ALAD: variants seen among roughly 807,000 people sequenced by gnomAD.
ALAD encodes aminolevulinate dehydratase, also known as delta-aminolevulinic acid dehydratase.
In ALAD, 20 loss-of-function variants were observed where a neutral mutation model predicts 44.4. That is an observed-to-expected ratio of 0.45 (90% confidence interval 0.32 to 0.65). The LOEUF (loss-of-function observed/expected upper bound fraction) is 0.65. ALAD is among the 30% of genes least tolerant of loss of function. ALAD has a pLI of 0.05. For missense variants in ALAD, 323 were observed against 445.7 expected, an observed-to-expected ratio of 0.72 and a Z score of 2.48; for synonymous variants, 156 against 167.9, an observed-to-expected ratio of 0.93 and a Z score of 0.55.
At position 113,387,051 on chromosome 9, in the gene ALAD, C is replaced by T. The variant is rs1266080302; in HGVS notation, c.*1249G>A. ...GCTGTTAAAATACTTTTACAAACTACAAATTTGATTGAGTCACTCTGAAAA... is the reference window on the plus strand; with the variant it reads ...GCTGTTAAAATACTTTTACAAACTATAAATTTGATTGAGTCACTCTGAAAA... On this transcript the variant is annotated 3_prime_UTR_variant, in exon 12 of 12. Coordinates refer to ENST00000409155, the MANE Select transcript of ALAD (RefSeq NM_000031.6). The T allele has an allele frequency of 1.3e-5, 2 of 152,252 alleles. No homozygotes were observed. Among genetic ancestry groups the T allele is most frequent in the Non-Finnish European group, 2.9e-5 (2 of 68,070 alleles). The allele number at this position is 152,252 out of a possible 1,614,324, so 9.4% of individuals were successfully genotyped here. A position where few individuals can be genotyped will look rare whatever the true frequency, so the allele number is the denominator to read the frequency against.
Position 113,399,979 on chromosome 9 carries a change from A to G in ALAD, c.-76+1233T>C, listed in dbSNP as rs1308352063. ...GCCAACCCACATTTCTTGAATATCT[A>G]CTATGGGCCTGCTGAAGTGCTAGAC... On this transcript the variant is annotated intron_variant, in intron 1 of 11. Coordinates refer to ENST00000409155, the MANE Select transcript of ALAD (RefSeq NM_000031.6). Among the ~76,000 whole-genome samples, 4 of 152,220 alleles carry G rather than the reference A, an allele frequency of 2.6e-5. No individual in the cohort carries two copies. In the East Asian group the frequency reaches 7.7e-4, roughly 29 times the overall value.
Position 113,387,720 on chromosome 9 carries a change from C to T in ALAD, c.*580G>A, listed in dbSNP as rs1827437652. The T allele has an allele frequency of 6.1e-6, 1 of 164,090 alleles. No individual in the cohort carries two copies. Among genetic ancestry groups the T allele is most frequent in the Non-Finnish European group, 1.3e-5 (1 of 74,296 alleles). The allele number at this position is 164,090 out of a possible 1,614,324, so 10.2% of individuals were successfully genotyped here. A position where few individuals can be genotyped will look rare whatever the true frequency, so the allele number is the denominator to read the frequency against. On this transcript the variant is annotated 3_prime_UTR_variant, in exon 12 of 12. Coordinates refer to ENST00000409155, the MANE Select transcript of ALAD (RefSeq NM_000031.6). ...TTTTGATCCTCAGGCAGTATTTATG[C>T]TGGTTAATGAGTAATTCTTCTCTGG...
intron 5 of ALAD, 25 bp downstream of exon 5, chr9:113,390,773 G>A (rs779834981): frequency 1.2e-6 from 2 of 1,601,924 alleles, no homozygotes; most frequent in South Asian, 1.1e-5. Flanking sequence ...GTGGCAGCAG[G>A]GCTGGTGGGA....
At chr9:113,399,789 T>G (rs552927335) in intron 1 of ALAD, among the ~76,000 whole-genome samples, 8 of 152,030 alleles carry the variant, frequency 5.3e-5, no homozygotes, top group Admixed American at 1.3e-4. Context: ...CACAGAGGCT[T>G]AGGACCTGCT....
chr9:113,394,790 A>AC (rs1827682979), intron 1 of ALAD, among the ~76,000 whole-genome samples: 1 of 151,740 alleles, frequency 6.6e-6, no homozygotes, highest in Non-Finnish European at 1.5e-5. Flanking sequence ...GGCGGCTCAC[A>AC]CCTATAATCT....
rs1403836522 is a variant in ALAD, at chr9:113,389,770, C to T, written c.626+3G>A. 1 of 1,614,266 alleles carries T rather than the reference C, an allele frequency of 6.2e-7. No homozygotes were observed. The highest frequency in any genetic ancestry group is 1.1e-5 in the South Asian group (1 of 91,090). On this transcript the variant is annotated splice_donor_region_variant and intron_variant, in intron 8 of 11. Transcript: ENST00000409155. ...CAGCAGACCCCTGCCCACCCCTGCT[C>T]ACCGGAAAGGGCCATAGAAACAGGA...
intron 4 of ALAD, 105 bp from the exon 5 acceptor site, chr9:113,391,038 C>T: frequency 6.9e-7 from 1 of 1,459,284 alleles, no homozygotes. Flanking sequence ...CTTCCTTCAT[C>T]ATCACAGCCC....
chr9:113,392,852 C>G (rs918264506), intron 2 of ALAD, among the ~76,000 whole-genome samples: 4 of 128,406 alleles, frequency 3.1e-5, no homozygotes, highest in Non-Finnish European at 4.7e-5. Context: ...GAGTCTGGCT[C>G]CGTCGCCCAG....
In ALAD at chr9:113,392,184, G is replaced by C; in HGVS notation, c.114-15C>G. On this transcript the variant is annotated splice_polypyrimidine_tract_variant and intron_variant, in intron 2 of 11. Coordinates refer to ENST00000409155, the MANE Select transcript of ALAD (RefSeq NM_000031.6). ...CAGGAACATCCCTGCAAGAGCGGGG[G>C]TGGGATATGGATTGGTAGCTGTGGG... The C allele has an allele frequency of 6.2e-7, 1 of 1,613,956 alleles. No homozygotes were observed. Among genetic ancestry groups the C allele is most frequent in the South Asian group, 1.1e-5 (1 of 91,084 alleles).
At position 113,389,698 on chromosome 9, in the gene ALAD, A is replaced by G; in HGVS notation, c.627-12T>C. 1 of 1,614,172 alleles carries G rather than the reference A, an allele frequency of 6.2e-7. No homozygotes were observed. Among genetic ancestry groups the G allele is most frequent in the Non-Finnish European group, 8.5e-7 (1 of 1,180,016 alleles). On this transcript the variant is annotated splice_polypyrimidine_tract_variant and intron_variant, in intron 8 of 11. Coordinates refer to ENST00000409155, the MANE Select transcript of ALAD (RefSeq NM_000031.6). ...ACTTAGCTGCATCCCTGCAAAGCAG[A>G]GTCATCAGGGTGGGCTCCAGCTTTG...
intron 1 of ALAD, among the ~76,000 whole-genome samples, chr9:113,394,637 T>C (rs7035841): frequency 0.024 from 3,662 of 152,312 alleles, 134 homozygotes; most frequent in African/African-American, 0.074. Flanking sequence ...AAAGAAGCAC[T>C]GATCTAGCCA....
At chr9:113,392,984 ATTTC>A (rs892539656) in intron 2 of ALAD, among the ~76,000 whole-genome samples, 1 of 151,986 alleles carries the variant, frequency 6.6e-6, no homozygotes, top group African/African-American at 2.4e-5. Context: ...CGCCTGGCTA[ATTTC>A]TTTGTGTTTT....
chr9:113,388,592 G>C (rs1827474671), intron 11 of ALAD, among the ~76,000 whole-genome samples: 1 of 152,212 alleles, frequency 6.6e-6, no homozygotes, highest in Non-Finnish European at 1.5e-5. Flanking sequence ...GAAGGAAATA[G>C]GTAAGAGGCA....
chr9:113,391,081 A>C, intron 4 of ALAD, 148 bp from the exon 5 acceptor site: 2 of 1,080,364 alleles, frequency 1.9e-6, no homozygotes, highest in Non-Finnish European at 2.7e-6. Context: ...CTGACCCTAC[A>C]TGGGTGCTGA....
chr9:113,394,662 T>C (rs1827680198), intron 1 of ALAD, among the ~76,000 whole-genome samples: 1 of 152,198 alleles, frequency 6.6e-6, no homozygotes, highest in South Asian at 2.1e-4. Context: ...TTAAACTTTG[T>C]TTATTCCACA....
chr9:113,394,113 AT>A (rs1227355433), intron 1 of ALAD, among the ~76,000 whole-genome samples: 2 of 151,396 alleles, frequency 1.3e-5, no homozygotes, highest in Non-Finnish European at 3.0e-5. Flanking sequence ...TAATTTTCGA[AT>A]TTTTTGTAGA....
rs776503307 is a variant in ALAD at position 113,389,792 on chromosome 9, A to G, written c.607T>C (p.Cys203Arg). 13 of 1,614,262 alleles carry G rather than the reference A, an allele frequency of 8.1e-6. No homozygotes were observed. Among genetic ancestry groups the G allele is most frequent in the Non-Finnish European group, 1.0e-5 (12 of 1,180,054 alleles). ...GCTCACCGGAAAGGGCCATAGAAAC[A>G]GGAAGCAAATTTGGCACTGTAGCTC... ...VMSYSAKFASCFYGPFRDAAK... is the reference protein window; with the variant it reads ...VMSYSAKFASRFYGPFRDAAK... Residue 203 changes from cysteine to arginine, a missense_variant, in exon 8 of 12, where the codon TGT becomes CGT. By Grantham distance (180) the Cys-to-Arg change is radical. Coordinates refer to ENST00000409155, the MANE Select transcript of ALAD (RefSeq NM_000031.6).
At chr9:113,393,763 A>C (rs1827659940) in intron 1 of ALAD, 129 bp from the exon 2 acceptor site, 2 of 535,838 alleles carry the variant, frequency 3.7e-6, no homozygotes, top group South Asian at 5.7e-5. Context: ...AGCATGGTTC[A>C]CCAATCCCTG....
In ALAD at chr9:113,392,107, C is replaced by T. The variant is rs1236576926; in HGVS notation, c.164+12G>A. 1.9e-6 allele frequency: 3 copies of T among 1,606,952 alleles called. No homozygotes were observed. Among genetic ancestry groups the T allele is most frequent in the Admixed American group, 3.4e-5 (2 of 58,816 alleles). Reference sequence around the variant, plus strand: ...CCACCACCCGCTGGCCCCCCAACTCCACGTCTCCTACCTGGCCACTCCTGG... The same window carrying T: ...CCACCACCCGCTGGCCCCCCAACTCTACGTCTCCTACCTGGCCACTCCTGG... On this transcript the variant is annotated intron_variant, in intron 3 of 11. Coordinates refer to ENST00000409155, the MANE Select transcript of ALAD (RefSeq NM_000031.6).
Sources: gnomAD v4.1 joint callset for allele counts (sites outside exome capture counted in the v4.1 genomes callset) on GRCh38, gnomAD v4.1.1 for gene constraint, MANE v1.5 for transcripts, NCBI Gene and HGNC (gene_info 2026-07-23, HGNC 2026-07-21) for gene names.